Variants in NOL10 observed in about 807,000 individuals in gnomAD.
The protein encoded by NOL10 is H_NH0074G24.1.
Under a neutral mutation model 103.5 loss-of-function variants are expected in NOL10, and 58 were observed. The observed-to-expected ratio is 0.56, with a 90% CI of 0.45 to 0.70. The LOEUF (loss-of-function observed/expected upper bound fraction) is 0.70. Ranked by LOEUF, NOL10 falls within the 30% of genes least tolerant of loss-of-function variation. NOL10 has a pLI of 0.00. For synonymous variants in NOL10, 287 were observed against 282.5 expected (o/e 1.02, Z -0.16); for missense variants, 763 against 807.3 (o/e 0.95, Z 0.67).
chr2:10,572,656 C>T (rs1275344951), intron 20 of NOL10, among the ~76,000 whole-genome samples: 1 of 152,194 alleles, frequency 6.6e-6, no homozygotes, highest in Admixed American at 6.5e-5. Context: ...ACAAAAAATA[C>T]TTAAATGTAC....
At chr2:10,593,129 G>GTTTTTTTTTTTTTT (rs113342576) in intron 17 of NOL10, among the ~76,000 whole-genome samples, 1 of 148,700 alleles carries the variant, frequency 6.7e-6, no homozygotes, top group African/African-American at 2.5e-5. Context: ...AAACAAATTA[G>GTTTTTTTTTTTTTT]TTTTTTTTTT....
chr2:10,623,063 CATT>C (rs1311016742), intron 13 of NOL10, among the ~76,000 whole-genome samples: 1 of 151,652 alleles, frequency 6.6e-6, no homozygotes, highest in Non-Finnish European at 1.5e-5. Flanking sequence ...ATGGGGCCCT[CATT>C]ATTTTTTCTA....
chr2:10,615,892 T>G (rs1338076130), intron 13 of NOL10, among the ~76,000 whole-genome samples: 2 of 152,142 alleles, frequency 1.3e-5, no homozygotes. Flanking sequence ...AGCTGCCCTA[T>G]GTGCGGGGTG....
chr2:10,664,332 G>A (rs1680437662), intron 8 of NOL10, among the ~76,000 whole-genome samples: 1 of 152,074 alleles, frequency 6.6e-6, no homozygotes, highest in African/African-American at 2.4e-5. Flanking sequence ...GGAGCCTGAG[G>A]CAAGAGAATC....
intron 16 of NOL10, 102 bp from the exon 17 acceptor site, chr2:10,601,044 T>C (rs1558281437): frequency 4.4e-6 from 3 of 675,020 alleles, no homozygotes; most frequent in African/African-American, 1.9e-5. Flanking sequence ...ATTTCATAAA[T>C]AGGAGATAAC....
At chr2:10,639,742 A>T (rs2098358) in intron 13 of NOL10, among the ~76,000 whole-genome samples, 5,631 of 152,330 alleles carry the variant, frequency 0.037, 204 homozygotes, top group African/African-American at 0.093. Flanking sequence ...GCAAGCTTGA[A>T]AAATTATTCT....
At chr2:10,632,597 T>C (rs1677920747) in intron 13 of NOL10, among the ~76,000 whole-genome samples, 1 of 152,214 alleles carries the variant, frequency 6.6e-6, no homozygotes, top group South Asian at 2.1e-4. Flanking sequence ...ATGAATTATG[T>C]CTGGTGGACA....
intron 4 of NOL10, among the ~76,000 whole-genome samples, chr2:10,674,113 G>A (rs1478445866): frequency 6.6e-6 from 1 of 151,876 alleles, no homozygotes; most frequent in Non-Finnish European, 1.5e-5. Context: ...AGCTATTTGG[G>A]AGGCGGAGGT....
chr2:10,627,103 C>T (rs1054139545), intron 13 of NOL10, among the ~76,000 whole-genome samples: 2 of 152,202 alleles, frequency 1.3e-5, no homozygotes, highest in African/African-American at 2.4e-5. Flanking sequence ...AGGAAGTCCA[C>T]ATTTCCCCTT....
intron 17 of NOL10, chr2:10,591,128 C>T (rs548769553): frequency 3.9e-5 from 6 of 152,050 alleles, no homozygotes; most frequent in Non-Finnish European, 8.8e-5. Flanking sequence ...ACAGATAAAC[C>T]CTTACCTAAA....
intron 19 of NOL10, among the ~76,000 whole-genome samples, chr2:10,584,670 T>C (rs1674930513): frequency 6.6e-6 from 1 of 152,206 alleles, no homozygotes; most frequent in Non-Finnish European, 1.5e-5. Flanking sequence ...CAAATACTCA[T>C]GTAAATATTA....
intron 13 of NOL10, among the ~76,000 whole-genome samples, chr2:10,638,335 A>AACGTG (rs1242958791): frequency 8.4e-6 from 1 of 119,382 alleles, no homozygotes; most frequent in East Asian, 2.2e-4. Context: ...GACGTGACGT[A>AACGTG]ACGTAACGTA....
At chr2:10,596,257 G>T (rs1265172957) in intron 17 of NOL10, among the ~76,000 whole-genome samples, 2 of 48,128 alleles carry the variant, frequency 4.2e-5, no homozygotes, top group Non-Finnish European at 1.1e-4. Context: ...AGATGGTGGT[G>T]GGGGGCGGGG....
chr2:10,681,454 G>A (rs1430131698), intron 3 of NOL10, among the ~76,000 whole-genome samples: 1 of 152,158 alleles, frequency 6.6e-6, no homozygotes, highest in African/African-American at 2.4e-5. Flanking sequence ...AGCAATGGTT[G>A]TCTCTGCATG....
intron 3 of NOL10, among the ~76,000 whole-genome samples, chr2:10,677,466 GT>G (rs199868603): frequency 0.22 from 30,483 of 138,644 alleles, 3,602 homozygotes; most frequent in Middle Eastern, 0.3. Flanking sequence ...TTTCTTTGGT[GT>G]TTTTTTTTTT....
intron 14 of NOL10, among the ~76,000 whole-genome samples, chr2:10,606,217 T>A (rs1676247070): frequency 1.1e-5 from 1 of 87,184 alleles, no homozygotes; most frequent in African/African-American, 5.2e-5. Flanking sequence ...TCTGGCAATG[T>A]ACATTTATCT....
In NOL10 at chr2:10,641,103, A is replaced by G. The variant is rs550408930; in HGVS notation, c.1026+3217T>C. On this transcript the variant is annotated intron_variant, in intron 13 of 20. Transcript: ENST00000381685. ...CAGGAGGCCGAGGCAGGTGGATCAC[A>G]TGAGGTCAGGAGTTTGAGATCAGCC... 2.8e-3 allele frequency among the ~76,000 whole-genome samples: 420 copies of G among 151,242 alleles called. 2 individuals carry two copies. The highest frequency in any genetic ancestry group is 9.5e-3 in the African/African-American group (393 of 41,192).
chr2:10,608,032 T>C (rs115335455), intron 13 of NOL10, among the ~76,000 whole-genome samples: 46 of 152,270 alleles, frequency 3.0e-4, no homozygotes, highest in Non-Finnish European at 3.5e-4. Flanking sequence ...GAGTAGATTT[T>C]AAATGATCTC....
At chr2:10,657,488 T>C (rs1257386832) in intron 11 of NOL10, among the ~76,000 whole-genome samples, 3 of 152,182 alleles carry the variant, frequency 2.0e-5, no homozygotes, top group Non-Finnish European at 4.4e-5. Flanking sequence ...ATTTTCTCTC[T>C]ACCTAACTTA....
Sources: gnomAD v4.1 joint callset for allele counts (sites outside exome capture counted in the v4.1 genomes callset) on GRCh38, gnomAD v4.1.1 for gene constraint, MANE v1.5 for transcripts, NCBI Gene and HGNC (gene_info 2026-07-23, HGNC 2026-07-21) for gene names.